The following WWOX variants were observed in gnomAD, a reference collection of about 807,000 sequenced individuals.
The protein encoded by WWOX is WW domain containing oxidoreductase.
Under a neutral mutation model 46.2 loss-of-function variants are expected in WWOX, and 69 were observed. The ratio of observed to expected loss-of-function variants is 1.49; its 90% CI spans 1.23 to 1.82. WWOX has a LOEUF of 1.82. Ranked by LOEUF, WWOX falls within the 40% of genes most tolerant of loss-of-function variation. The pLI is 0.00. For missense variants in WWOX, 919 were observed against 542.6 expected (o/e 1.69, Z -6.89); for synonymous variants, 359 against 202.6 (o/e 1.77, Z -6.56).
intron 8 of WWOX, among the ~76,000 whole-genome samples, chr16:79,208,309 T>G (rs763633584): frequency 6.6e-6 from 1 of 151,996 alleles, no homozygotes; most frequent in African/African-American, 2.4e-5. Context: ...TGCTGCGGGA[T>G]AGACACCTCC....
chr16:78,644,817 G>C (rs2046802376), intron 8 of WWOX, among the ~76,000 whole-genome samples: 1 of 152,176 alleles, frequency 6.6e-6, no homozygotes, highest in Non-Finnish European at 1.5e-5. Flanking sequence ...TATGAGTCAG[G>C]CTTAAGAATA....
intron 8 of WWOX, among the ~76,000 whole-genome samples, chr16:78,681,401 C>T (rs1031747294): frequency 6.6e-6 from 1 of 152,042 alleles, no homozygotes; most frequent in Admixed American, 6.6e-5. Flanking sequence ...GAGACTCTGT[C>T]TCAAAAAACC....
intron 8 of WWOX, among the ~76,000 whole-genome samples, chr16:78,659,415 C>T (rs1397762370): frequency 6.6e-6 from 1 of 152,066 alleles, no homozygotes; most frequent in Non-Finnish European, 1.5e-5. Flanking sequence ...CCCTCAGGCT[C>T]GCCCCACCCC....
At chr16:78,362,287 G>A (rs1045672482) in intron 5 of WWOX, among the ~76,000 whole-genome samples, 10 of 152,028 alleles carry the variant, frequency 6.6e-5, no homozygotes, top group Non-Finnish European at 1.5e-4. Context: ...GACACAGCAA[G>A]GTGATGATGG....
intron 8 of WWOX, among the ~76,000 whole-genome samples, chr16:78,878,901 G>GGAA (rs2044285829): frequency 1.2e-5 from 1 of 86,910 alleles, no homozygotes; most frequent in Non-Finnish European, 2.2e-5. Flanking sequence ...ACAAAAAAAT[G>GGAA]AAAAAAAAAA....
chr16:78,492,075 C>T (rs1472033194), intron 8 of WWOX, among the ~76,000 whole-genome samples: 6 of 151,990 alleles, frequency 3.9e-5, no homozygotes, highest in African/African-American at 7.3e-5. Flanking sequence ...TCTGGGTTTT[C>T]GAAACTTAGC....
intron 8 of WWOX, among the ~76,000 whole-genome samples, chr16:79,046,718 C>G (rs572632296): frequency 6.6e-6 from 1 of 152,292 alleles, no homozygotes; most frequent in East Asian, 1.9e-4. Context: ...CTTCCTGCAG[C>G]CATTCAGCTC....
At chr16:78,587,710 T>C (rs1351060502) in intron 8 of WWOX, among the ~76,000 whole-genome samples, 1 of 152,162 alleles carries the variant, frequency 6.6e-6, no homozygotes, top group Non-Finnish European at 1.5e-5. Context: ...GGCTTGACTG[T>C]GGCCTTCACC....
At chr16:78,462,996 T>C (rs1403337473) in intron 8 of WWOX, among the ~76,000 whole-genome samples, 11 of 152,218 alleles carry the variant, frequency 7.2e-5, no homozygotes, top group Admixed American at 6.5e-4. Context: ...CTCTCCTCTT[T>C]GCAGGCGCAG....
intron 8 of WWOX, among the ~76,000 whole-genome samples, chr16:78,758,172 G>A (rs1389212039): frequency 6.6e-6 from 1 of 151,978 alleles, no homozygotes; most frequent in Non-Finnish European, 1.5e-5. Context: ...ATCGTAAAGG[G>A]AAGATCAATA....
At chr16:78,583,176 T>C (rs145684946) in intron 8 of WWOX, among the ~76,000 whole-genome samples, 153 of 152,268 alleles carry the variant, frequency 1.0e-3, no homozygotes, top group African/African-American at 3.7e-3. Context: ...TGCAAAGTCT[T>C]TAAAGATGTG....
intron 5 of WWOX, among the ~76,000 whole-genome samples, chr16:78,180,831 A>G (rs757190648): frequency 5.9e-5 from 9 of 152,154 alleles, no homozygotes; most frequent in Non-Finnish European, 1.0e-4. Context: ...TGTATACATG[A>G]GTGCTAGTGG....
intron 8 of WWOX, among the ~76,000 whole-genome samples, chr16:79,027,984 C>A (rs974141116): frequency 1.3e-5 from 2 of 151,734 alleles, no homozygotes; most frequent in African/African-American, 4.9e-5. Context: ...CGGAGTGTCG[C>A]TCTGTCGCCT....
At chr16:78,964,000 T>C (rs938299809) in intron 8 of WWOX, among the ~76,000 whole-genome samples, 3 of 152,176 alleles carry the variant, frequency 2.0e-5, no homozygotes, top group African/African-American at 7.2e-5. Context: ...AAGAAGTGCC[T>C]TTCACCTCCA....
At chr16:78,261,187 A>G (rs2079222908) in intron 5 of WWOX, among the ~76,000 whole-genome samples, 1 of 150,938 alleles carries the variant, frequency 6.6e-6, no homozygotes, top group Non-Finnish European at 1.5e-5. Context: ...CCAAAAAAGC[A>G]GATTGGTATC....
intron 8 of WWOX, among the ~76,000 whole-genome samples, chr16:79,155,476 T>C (rs571271016): frequency 1.3e-5 from 2 of 152,314 alleles, no homozygotes; most frequent in South Asian, 4.1e-4. Context: ...GGTATTCATA[T>C]AGCATTTAAA....
At chr16:78,628,334 G>A (rs1186711969) in intron 8 of WWOX, among the ~76,000 whole-genome samples, 1 of 152,098 alleles carries the variant, frequency 6.6e-6, no homozygotes, top group Non-Finnish European at 1.5e-5. Context: ...CAGCCTTCCA[G>A]CAGAATCCCC....
At chr16:78,444,676 G>A (rs747482611) in intron 8 of WWOX, among the ~76,000 whole-genome samples, 10 of 151,636 alleles carry the variant, frequency 6.6e-5, no homozygotes, top group South Asian at 6.3e-4. Flanking sequence ...GACTACAGGC[G>A]CGTGCCACCA....
chr16:79,211,492 C>G, intron 8 of WWOX, 116 bp from the exon 9 acceptor site: 2 of 1,335,304 alleles, frequency 1.5e-6, no homozygotes, highest in South Asian at 1.2e-5. Flanking sequence ...ATGCCAAGAT[C>G]CAGCTGAAAC....
Sources: gnomAD v4.1 joint callset for allele counts (sites outside exome capture counted in the v4.1 genomes callset) on GRCh38, gnomAD v4.1.1 for gene constraint, MANE v1.5 for transcripts, NCBI Gene and HGNC (gene_info 2026-07-23, HGNC 2026-07-21) for gene names.